The following VPS52 variants were observed in gnomAD, a reference collection of about 807,000 sequenced individuals.
VPS52 encodes the protein vacuolar protein sorting-associated protein 52 homolog.
VPS52 carries 56 observed loss-of-function variants against 98.7 expected under a neutral mutation model. The observed-to-expected ratio is 0.57, with a 90% CI of 0.46 to 0.71. The LOEUF is 0.71. Ranked by LOEUF, VPS52 falls within the 30% of genes least tolerant of loss-of-function variation. The pLI, the probability that VPS52 is intolerant of heterozygous loss-of-function variation, is 0.00. For missense variants in VPS52, 742 were observed against 925.9 expected (o/e 0.80, Z 2.58); for synonymous variants, 348 against 346.4 (o/e 1.00, Z -0.05).
Position 33,266,864 on chromosome 6 carries a change from G to A in VPS52, c.1126-152C>T, listed in dbSNP as rs1348531977. On this transcript the variant is annotated intron_variant, in intron 11 of 19. Transcript: ENST00000445902. ...GGTCCGGGCTGTCTAAGAGCAAGCT[G>A]AATGGGCACTGAAAAGGTGGGGGAA... 3.7e-6 allele frequency: 4 copies of A among 1,077,026 alleles called. No homozygotes were observed. The Admixed American group carries it at 1.2e-4, about 32-fold the overall frequency. 66.7% of individuals were successfully genotyped at this position (1,077,026 alleles called of 1,614,324 possible).
chr6:33,266,479 CAG>C, intron 12 of VPS52, 76 bp downstream of exon 12: 2 of 1,456,298 alleles, frequency 1.4e-6, no homozygotes, highest in East Asian at 2.3e-5. Context: ...TCAGTTCTAC[CAG>C]AGTCATGACC....
chr6:33,251,685 A>C, intron 18 of VPS52, 49 bp from the exon 19 acceptor site: 1 of 1,511,820 alleles, frequency 6.6e-7, no homozygotes, highest in South Asian at 1.2e-5. Context: ...CTGATCTTCA[A>C]CTCCACTAAG....
At chr6:33,252,887 G>T (rs1762469876) in intron 17 of VPS52, among the ~76,000 whole-genome samples, 1 of 151,904 alleles carries the variant, frequency 6.6e-6, no homozygotes, top group African/African-American at 2.4e-5. Flanking sequence ...AAGACATTAT[G>T]TGCTTCCTGA....
rs1428896447 is a variant in VPS52 at position 33,271,453 on chromosome 6, A to C, written c.90+133T>G. The C allele has an allele frequency of 8.4e-6, 11 of 1,306,392 alleles. No homozygotes were observed. The East Asian group carries it at 2.5e-4, about 30-fold the overall frequency. The allele number at this position is 1,306,392 out of a possible 1,614,324, so 80.9% of individuals were successfully genotyped here. ...TCAGGGTCGGGTCTGATCACAGGGA[A>C]GGGTACGGGGAGCCAAACAGGTAAT... On this transcript the variant is annotated intron_variant, in intron 1 of 19. Transcript: ENST00000445902.
chr6:33,264,145 C>T (rs765419047), intron 14 of VPS52, 42 bp from the exon 15 acceptor site: 1 of 1,606,184 alleles, frequency 6.2e-7, no homozygotes, highest in Non-Finnish European at 8.5e-7. Context: ...ACCTCCTGGC[C>T]CAACCAACAC....
At chr6:33,265,023 C>T (rs74625834) in intron 12 of VPS52, 123 bp from the exon 13 acceptor site, 21,288 of 881,866 alleles carry the variant, frequency 0.024, 482 homozygotes, top group African/African-American at 0.087. Context: ...AAGGGAGAGA[C>T]GTAAAATGGA....
At position 33,267,812 on chromosome 6, in the gene VPS52, G is replaced by A. The variant is rs1432491633; in HGVS notation, c.933+53C>T. On this transcript the variant is annotated intron_variant, in intron 9 of 19. Coordinates refer to ENST00000445902, the MANE Select transcript of VPS52 (RefSeq NM_022553.6). The surrounding 1 kb of genome is among the most constrained non-coding windows in gnomAD (Gnocchi z 4.2). ...AATAAAATATTCCTTGCCCAGGGAT[G>A]TCCCCTCCTCCCAGTCCATGTGCCC... is the stretch of plus-strand genomic sequence containing the variant. 6.2e-7 allele frequency: 1 copy of A among 1,612,810 alleles called. No homozygotes were observed.
intron 19 of VPS52, 37 bp downstream of exon 19, chr6:33,251,481 T>C (rs1298175907): frequency 1.5e-6 from 2 of 1,329,818 alleles, no homozygotes; most frequent in South Asian, 1.2e-5. Context: ...TAATTAATGA[T>C]GGGGGATCTG....
intron 17 of VPS52, among the ~76,000 whole-genome samples, chr6:33,257,404 A>AT (rs1175480598): frequency 1.3e-3 from 180 of 143,078 alleles, no homozygotes; most frequent in African/African-American, 2.2e-3. Context: ...AAGGAATTTC[A>AT]TTTTTTTTTT....
rs142124369 is a variant in VPS52 at position 33,263,414 on chromosome 6, C to CACACACACACACACACACACAG, written c.1794+69_1794+70insCTGTGTGTGTGTGTGTGTGTGT. The CACACACACACACACACACACAG allele has an allele frequency of 7.6e-3, 7,301 of 965,156 alleles. 48 individuals carry two copies. Among genetic ancestry groups the CACACACACACACACACACACAG allele is most frequent in the Middle Eastern group, 0.019 (61 of 3,132 alleles). 59.8% of individuals were successfully genotyped at this position (965,156 alleles called of 1,614,324 possible). ...ACACACACACACACACACACACACACAGAGAGAGAGAGAGAGAGAGCTGAA... is the reference window on the plus strand; with the variant it reads ...ACACACACACACACACACACACACACACACACACACACACACACACAGAGAGAGAGAGAGAGAGAGAGCTGAA... On this transcript the variant is annotated intron_variant, in intron 17 of 19. Coordinates refer to ENST00000445902, the MANE Select transcript of VPS52 (RefSeq NM_022553.6).
At position 33,271,640 on chromosome 6, in the gene VPS52, C is replaced by T; in HGVS notation, c.36G>A (p.Arg12=). The T allele has an allele frequency of 6.2e-7, 1 of 1,611,126 alleles. No homozygotes were observed. The highest frequency in any genetic ancestry group is 8.5e-7 in the Non-Finnish European group (1 of 1,178,414). ...AAAATMAAAA[R]ELVLRAGTSD... is the part of the protein sequence containing the mutation. ...AGGTCCCAGCCCGCAACACCAGTTC[C>T]CGGGCCGCAGCCGCCATGGTCGCAG... The change falls in exon 1 of 20, where the codon CGG becomes CGA. Residue 12 remains arginine, a synonymous_variant. Transcript: ENST00000445902.
chr6:33,271,165 T>C, intron 1 of VPS52: 1 of 543,242 alleles, frequency 1.8e-6, no homozygotes, highest in Non-Finnish European at 3.3e-6. Context: ...CTTACACATA[T>C]TCATCTAATC....
rs1035157814 is a variant in VPS52 at position 33,269,105 on chromosome 6, C to A, written c.457G>T (p.Ala153Ser). The A allele has an allele frequency of 6.2e-7, 1 of 1,613,038 alleles. No homozygotes were observed. The highest frequency in any genetic ancestry group is 1.3e-5 in the African/African-American group (1 of 75,038). The change falls in exon 6 of 20, where the codon GCC (alanine) becomes TCC (serine). Residue 153 changes from alanine (A) to serine (S), a missense_variant. Around this residue, in one of 2 missense-constraint regions of VPS52, gnomAD observed 590 missense variants for 793.3 expected, o/e 0.74. Transcript: ENST00000445902. ...EIRTLQEQSGAMNIRLRNRQA... is the reference protein window; with the variant it reads ...EIRTLQEQSGSMNIRLRNRQA... ...CGATTTCGAAGTCGAATGTTCATGG[C>A]TCCTGACTGTTCCTGCAGTGTCCGG...
chr6:33,258,230 T>C (rs911561445), intron 17 of VPS52, among the ~76,000 whole-genome samples: 4 of 151,532 alleles, frequency 2.6e-5, no homozygotes, highest in African/African-American at 9.7e-5. Context: ...CTACTAAATA[T>C]ACAAAAATTA....
Position 33,266,113 on chromosome 6 carries a change from G to A in VPS52, c.1281+444C>T, listed in dbSNP as rs187545618. ...CTGACCTTGTGATCCTCCCGCCTCA[G>A]CCTCCCAAAGTGCTGGGATTACAGG... On this transcript the variant is annotated intron_variant, in intron 12 of 19. Coordinates refer to ENST00000445902, the MANE Select transcript of VPS52 (RefSeq NM_022553.6). Among the ~76,000 whole-genome samples the A allele has an allele frequency of 7.5e-4, 113 of 150,492 alleles. 2 individuals carry two copies. In the East Asian group the frequency reaches 0.016, roughly 22 times the overall value.
chr6:33,270,278 ACCCG>A lies in VPS52; in HGVS notation c.92_95del (p.Ala31ValfsTer38). 6.2e-7 allele frequency: 1 copy of A among 1,610,112 alleles called. No homozygotes were observed. Among genetic ancestry groups the A allele is most frequent in the Non-Finnish European group, 8.5e-7 (1 of 1,176,894 alleles). Reference sequence around the variant, plus strand: ...GCAGTGGTTCCTGGAGCCCAGGACCACCCGCCTGGAAAGGGATAAGTTAATGGGA... The same window carrying A: ...GCAGTGGTTCCTGGAGCCCAGGACCACCTGGAAAGGGATAAGTTAATGGGA... On this transcript the variant is annotated frameshift_variant and splice_region_variant, in exon 2 of 20. Transcript: ENST00000445902. LOFTEE classifies it high-confidence loss of function.
intron 4 of VPS52, 93 bp from the exon 5 acceptor site, chr6:33,269,650 C>T: frequency 6.4e-7 from 1 of 1,573,038 alleles, no homozygotes; most frequent in Non-Finnish European, 8.7e-7. Context: ...GTGATAGAAA[C>T]CTCAGAGATG....
At chr6:33,266,199 G>A (rs1423106257) in intron 12 of VPS52, among the ~76,000 whole-genome samples, 1 of 145,878 alleles carries the variant, frequency 6.9e-6, no homozygotes, top group Admixed American at 7.0e-5. Context: ...GTCTCACTCT[G>A]GAGTGCATGG....
rs1762237004 is a variant in VPS52 at position 33,251,521 on chromosome 6, A to C, written c.2022T>G (p.Ile674Met). Reference protein sequence around the residue: ...FTNFRNGTSIIQGALTQLIQL... With the variant: ...FTNFRNGTSIMQGALTQLIQL... ...GGGCCTGGGACTTGCAGGTCACCTG[A>C]ATGATACTGGTGCCATTTCTGAAGT... Residue 674 changes from isoleucine to methionine, a missense_variant, in exon 19 of 20, where the codon ATT becomes ATG. This residue lies in a region of VPS52 where 590 missense variants were observed against 793.3 expected (regional missense o/e 0.74). Coordinates refer to ENST00000445902, the MANE Select transcript of VPS52 (RefSeq NM_022553.6). The C allele has an allele frequency of 6.2e-7, 1 of 1,602,840 alleles. No homozygotes were observed. The highest frequency in any genetic ancestry group is 1.3e-5 in the African/African-American group (1 of 74,606).
Sources: allele counts gnomAD v4.1 joint callset (sites outside exome capture counted in the v4.1 genomes callset), GRCh38; gene constraint gnomAD v4.1.1; regional missense constraint gnomAD v4.1.1; non-coding constraint Gnocchi (gnomAD v3.1); transcripts MANE v1.5; gene names NCBI Gene and HGNC (gene_info 2026-07-23, HGNC 2026-07-21).